GRIA3: variants seen among roughly 807,000 people sequenced by gnomAD.
GRIA3 encodes the protein glutamate ionotropic receptor AMPA type subunit 3.
A neutral mutation model predicts 63.0 loss-of-function variants in GRIA3; 3 were observed. That is an observed-to-expected ratio of 0.05 (90% CI 0.02 to 0.12). GRIA3 has a LOEUF of 0.12. Among genes scored for constraint, GRIA3 ranks in the 10% least tolerant of loss-of-function variants. GRIA3 has a pLI of 1.00. For synonymous variants in GRIA3, 274 were observed against 257.9 expected (o/e 1.06, Z -0.60); for missense variants, 347 against 700.9 (o/e 0.50, Z 5.70).
At chrX:123,294,963 G>T (rs1298244840) in intron 3 of GRIA3, among the ~76,000 whole-genome samples, 1 of 111,484 alleles carries the variant, frequency 9.0e-6, no homozygotes, top group Non-Finnish European at 1.9e-5. Flanking sequence ...CTATCTGCTA[G>T]CGATAACTAT....
chrX:123,277,874 G>A (rs1353905884), intron 3 of GRIA3, among the ~76,000 whole-genome samples: 1 of 111,731 alleles, frequency 9.0e-6, no homozygotes, highest in Admixed American at 9.5e-5. Flanking sequence ...ATGATGTGGG[G>A]TGGGGCCTAG....
intron 3 of GRIA3, among the ~76,000 whole-genome samples, chrX:123,293,217 A>G (rs1189660109): frequency 9.0e-6 from 1 of 110,728 alleles, no homozygotes; most frequent in Non-Finnish European, 1.9e-5. Context: ...GAATGAGTCA[A>G]TCATGACACC....
chrX:123,333,204 C>A (rs2044952868), intron 4 of GRIA3, among the ~76,000 whole-genome samples: 1 of 111,972 alleles, frequency 8.9e-6, no homozygotes, highest in Non-Finnish European at 1.9e-5. Context: ...AGAGGTCAAT[C>A]TGAGGTCATG....
Position 123,464,959 on chromosome X carries a change from G to A in GRIA3, c.2171G>A (p.Arg724Gln), listed in dbSNP as rs757588471. ...FTKTTADGVARVRKSKGKFAF... is the reference protein window; with the variant it reads ...FTKTTADGVAQVRKSKGKFAF... ...AAAACAACAGCAGACGGAGTGGCCC[G>A]AGTGCGAAAGTCCAAGGGAAAGTTC... The change falls in exon 13 of 16, where the codon CGA becomes CAA. Residue 724 changes from arginine (R) to glutamine (Q), a missense_variant. Transcript: ENST00000620443. 10 of 1,208,244 alleles carry A rather than the reference G, an allele frequency of 8.3e-6. No homozygotes were observed. The highest frequency in any genetic ancestry group is 2.2e-5 in the Admixed American group (1 of 45,677).
chrX:123,358,659 A>AT (rs2045148973), intron 5 of GRIA3: 1 of 112,005 alleles, frequency 8.9e-6, no homozygotes, highest in Non-Finnish European at 1.9e-5. Flanking sequence ...TGATGATGTC[A>AT]TTTTTTAGGA....
chrX:123,369,109 T>TC (rs1490975184), intron 5 of GRIA3, among the ~76,000 whole-genome samples: 1 of 111,687 alleles, frequency 9.0e-6, no homozygotes, highest in African/African-American at 3.3e-5. Flanking sequence ...TCTCCTCCTT[T>TC]CCCCTTTTAC....
chrX:123,207,860 G>A (rs977407672), intron 2 of GRIA3, among the ~76,000 whole-genome samples: 4 of 111,389 alleles, frequency 3.6e-5, no homozygotes, highest in African/African-American at 1.3e-4. Context: ...GGCCTACAAA[G>A]CCCACATTTG....
chrX:123,228,733 G>A (rs2044261372), intron 2 of GRIA3, among the ~76,000 whole-genome samples: 1 of 110,924 alleles, frequency 9.0e-6, no homozygotes, highest in Non-Finnish European at 1.9e-5. Context: ...CAGTAACTAG[G>A]CAAGGACACA....
At chrX:123,186,084 G>C in intron 2 of GRIA3, 94 bp downstream of exon 2, 1 of 708,678 alleles carries the variant, frequency 1.4e-6, no homozygotes, top group Non-Finnish European at 2.3e-6. Flanking sequence ...GCTGGGAGAT[G>C]ATTGCTTCAG....
chrX:123,260,828 T>C (rs1314657637), intron 3 of GRIA3, among the ~76,000 whole-genome samples: 2 of 110,636 alleles, frequency 1.8e-5, no homozygotes, highest in African/African-American at 6.6e-5. Flanking sequence ...ATTTGGTAGT[T>C]TCCACAGCCT....
intron 4 of GRIA3, among the ~76,000 whole-genome samples, chrX:123,334,174 T>A (rs2044959298): frequency 8.9e-6 from 1 of 111,801 alleles, no homozygotes; most frequent in African/African-American, 3.2e-5. Flanking sequence ...TCTAACCTAG[T>A]ATCTTTAGGC....
intron 3 of GRIA3, among the ~76,000 whole-genome samples, chrX:123,261,010 C>A (rs903982187): frequency 5.4e-5 from 6 of 111,819 alleles, no homozygotes; most frequent in African/African-American, 6.5e-5. Flanking sequence ...TTTAATACTT[C>A]GATTTGCACA....
intron 11 of GRIA3, among the ~76,000 whole-genome samples, chrX:123,425,219 A>G (rs749408588): frequency 1.3e-3 from 143 of 112,107 alleles, no homozygotes; most frequent in Non-Finnish European, 2.2e-3. Context: ...ATTTTATACT[A>G]CAAAAATGTG....
At chrX:123,462,543 C>A (rs1273384948) in intron 12 of GRIA3, among the ~76,000 whole-genome samples, 1 of 111,829 alleles carries the variant, frequency 8.9e-6, no homozygotes, top group Non-Finnish European at 1.9e-5. Context: ...GCTTAATGTC[C>A]CTGGTGATCC....
At chrX:123,432,920 T>C (rs1182096767) in intron 12 of GRIA3, among the ~76,000 whole-genome samples, 1 of 111,711 alleles carries the variant, frequency 9.0e-6, no homozygotes, top group Non-Finnish European at 1.9e-5. Context: ...GCCACCCTTT[T>C]TGAAACAAGC....
At chrX:123,330,006 G>A (rs1034426345) in intron 4 of GRIA3, among the ~76,000 whole-genome samples, 1 of 112,069 alleles carries the variant, frequency 8.9e-6, no homozygotes, top group Non-Finnish European at 1.9e-5. Context: ...TCTGGAGCCA[G>A]TCTGCATGGA....
intron 2 of GRIA3, among the ~76,000 whole-genome samples, chrX:123,215,742 G>A (rs4825471): frequency 1.8e-5 from 2 of 110,206 alleles, no homozygotes; most frequent in Admixed American, 1.9e-4. Context: ...TTTCTGGGGG[G>A]CAGAGAGATG....
intron 3 of GRIA3, among the ~76,000 whole-genome samples, chrX:123,286,331 C>T (rs1344583106): frequency 9.1e-6 from 1 of 109,883 alleles, no homozygotes; most frequent in East Asian, 2.9e-4. Context: ...GATCTAAATT[C>T]GACACCCTAA....
intron 2 of GRIA3, among the ~76,000 whole-genome samples, chrX:123,210,904 A>T: frequency 8.9e-6 from 1 of 112,296 alleles, no homozygotes; most frequent in South Asian, 3.7e-4. Flanking sequence ...GCTTATTATT[A>T]ATACTAGTCT....
Sources: allele counts gnomAD v4.1 joint callset (sites outside exome capture counted in the v4.1 genomes callset), GRCh38; gene constraint gnomAD v4.1.1; transcripts MANE v1.5; gene names NCBI Gene and HGNC (gene_info 2026-07-23, HGNC 2026-07-21).